Variants in ATP10B observed in about 807,000 individuals in gnomAD.
ATP10B encodes ATPase phospholipid transporting 10B (putative), also known as phospholipid-transporting ATPase VB.
ATP10B carries 122 observed loss-of-function variants against 141.2 expected under a neutral mutation model. The observed-to-expected ratio is 0.86, with a 90% CI of 0.75 to 1.00. The LOEUF (loss-of-function observed/expected upper bound fraction) is 1.00. Ranked by LOEUF, ATP10B falls within the 50% of genes least tolerant of loss-of-function variation. ATP10B has a pLI of 0.00. For missense variants in ATP10B, 1,876 were observed against 1,825.3 expected, an observed-to-expected ratio of 1.03 and a Z score of -0.51; for synonymous variants, 685 against 692.0, an observed-to-expected ratio of 0.99 and a Z score of 0.16.
chr5:160,678,990 A>T (rs1763212153), intron 6 of ATP10B, among the ~76,000 whole-genome samples: 2 of 152,240 alleles, frequency 1.3e-5, no homozygotes, highest in Non-Finnish European at 2.9e-5. Context: ...ATGTCATCTG[A>T]ACACCTTTTC....
At chr5:160,838,635 G>A (rs1008936170) in intron 1 of ATP10B, among the ~76,000 whole-genome samples, 6 of 152,074 alleles carry the variant, frequency 3.9e-5, no homozygotes. Flanking sequence ...GGTTAGTAAT[G>A]TACATACTTT....
chr5:160,695,949 G>A (rs1005860705), intron 3 of ATP10B, among the ~76,000 whole-genome samples: 3 of 152,084 alleles, frequency 2.0e-5, no homozygotes, highest in Non-Finnish European at 4.4e-5. Context: ...CACTGTAGAA[G>A]AAATAGTCTG....
intron 13 of ATP10B, among the ~76,000 whole-genome samples, chr5:160,627,575 G>A (rs1255382049): frequency 6.6e-6 from 1 of 152,126 alleles, no homozygotes; most frequent in East Asian, 1.9e-4. Flanking sequence ...ATAAAAAAAT[G>A]CACATACTGG....
At chr5:160,662,811 T>C (rs954719641) in intron 7 of ATP10B, among the ~76,000 whole-genome samples, 10 of 152,230 alleles carry the variant, frequency 6.6e-5, no homozygotes, top group Non-Finnish European at 8.8e-5. Context: ...CTAATTAAAC[T>C]AAAGAGCTTC....
the ATP10B span, among the ~76,000 whole-genome samples, chr5:160,877,277 C>G: frequency 6.7e-6 from 1 of 148,238 alleles, no homozygotes; most frequent in Non-Finnish European, 1.5e-5. Context: ...GAGCCAAAGA[C>G]AAAAACCACA....
intron 1 of ATP10B, among the ~76,000 whole-genome samples, chr5:160,804,460 G>A (rs559061902): frequency 6.6e-6 from 1 of 152,276 alleles, no homozygotes; most frequent in East Asian, 1.9e-4. Flanking sequence ...ATCTTCACGT[G>A]CATTATCTTA....
chr5:160,925,462 G>A, the ATP10B span, among the ~76,000 whole-genome samples: 1 of 152,188 alleles, frequency 6.6e-6, no homozygotes, highest in Non-Finnish European at 1.5e-5. Flanking sequence ...AATTGCCCAA[G>A]GTCACACAGC....
chr5:160,678,530 A>T lies in ATP10B; in HGVS notation c.470+7549T>A, dbSNP rs530930799. 4.7e-3 allele frequency among the ~76,000 whole-genome samples: 708 copies of T among 152,236 alleles called. 3 individuals carry two copies. Among genetic ancestry groups the T allele is most frequent in the Non-Finnish European group, 8.4e-3 (568 of 67,992 alleles). On this transcript the variant is annotated intron_variant, in intron 6 of 25. Transcript: ENST00000327245. ...AAAAATTACCCGGGCATGATGGTGC[A>T]TGCCTGTAATCCCAGCTACTCGGGA...
At chr5:160,865,183 G>A in the ATP10B span, among the ~76,000 whole-genome samples, 1 of 152,058 alleles carries the variant, frequency 6.6e-6, no homozygotes, top group African/African-American at 2.4e-5. Flanking sequence ...GTACTATAAG[G>A]CTATAGTTAC....
At chr5:160,785,186 T>C (rs1181736873) in intron 2 of ATP10B, among the ~76,000 whole-genome samples, 3 of 152,152 alleles carry the variant, frequency 2.0e-5, no homozygotes, top group Admixed American at 1.3e-4. Context: ...CTCTCTTACC[T>C]TGGGACTTCT....
chr5:160,579,951 T>C (rs1463348261), intron 24 of ATP10B, among the ~76,000 whole-genome samples: 2 of 152,216 alleles, frequency 1.3e-5, no homozygotes, highest in African/African-American at 4.8e-5. Flanking sequence ...AGTTCACTCA[T>C]GATTTGGCTG....
chr5:160,869,669 GC>G, the ATP10B span, among the ~76,000 whole-genome samples: 4 of 152,206 alleles, frequency 2.6e-5, no homozygotes, highest in African/African-American at 9.6e-5. Context: ...GCAAACCATT[GC>G]CCCCAAGATT....
At chr5:160,886,378 T>A in the ATP10B span, among the ~76,000 whole-genome samples, 2 of 152,182 alleles carry the variant, frequency 1.3e-5, no homozygotes, top group Non-Finnish European at 2.9e-5. Context: ...CGGGATAATT[T>A]TACCATAGAC....
intron 2 of ATP10B, among the ~76,000 whole-genome samples, chr5:160,717,619 G>T (rs1418362796): frequency 6.6e-6 from 1 of 152,144 alleles, no homozygotes; most frequent in Non-Finnish European, 1.5e-5. Flanking sequence ...TCACCAATAT[G>T]AATTTATTTA....
chr5:160,609,267 T>G (rs186495120), intron 18 of ATP10B, among the ~76,000 whole-genome samples: 36 of 152,216 alleles, frequency 2.4e-4, no homozygotes, highest in African/African-American at 8.4e-4. Flanking sequence ...AAAGTACAAG[T>G]CATATACAGA....
At chr5:160,638,206 A>G (rs755764136) in intron 10 of ATP10B, among the ~76,000 whole-genome samples, 1 of 152,136 alleles carries the variant, frequency 6.6e-6, no homozygotes, top group Non-Finnish European at 1.5e-5. Context: ...CCTGTGTATG[A>G]GTTGTTAATT....
At chr5:160,601,626 A>T (rs1757102496) in intron 21 of ATP10B, among the ~76,000 whole-genome samples, 1 of 152,174 alleles carries the variant, frequency 6.6e-6, no homozygotes, top group African/African-American at 2.4e-5. Context: ...TACACAACTT[A>T]TTGTTTGTAT....
chr5:160,604,178 A>G (rs578252303), intron 19 of ATP10B, 137 bp from the exon 20 acceptor site: 3 of 666,956 alleles, frequency 4.5e-6, no homozygotes, highest in African/African-American at 3.6e-5. Context: ...TCATTGCTAT[A>G]GTGCTTAGCT....
rs186093276 is a variant in ATP10B at position 160,566,741 on chromosome 5, G to A, written c.3939-841C>T. Among the ~76,000 whole-genome samples, 278 of 152,328 alleles carry A rather than the reference G, an allele frequency of 1.8e-3. 1 individual carries two copies. Among genetic ancestry groups the A allele is most frequent in the African/African-American group, 6.4e-3 (266 of 41,572 alleles). On this transcript the variant is annotated intron_variant, in intron 25 of 25. Transcript: ENST00000327245. Reference sequence around the variant, plus strand: ...TGTATGGAGAAAATATACACAAGCCGTGGCAGTGGGCAACTCACATCCACT... The same window carrying A: ...TGTATGGAGAAAATATACACAAGCCATGGCAGTGGGCAACTCACATCCACT...
Sources: allele counts gnomAD v4.1 joint callset (sites outside exome capture counted in the v4.1 genomes callset), GRCh38; gene constraint gnomAD v4.1.1; transcripts MANE v1.5; gene names NCBI Gene and HGNC (gene_info 2026-07-23, HGNC 2026-07-21).